Variants in TUSC3 observed in about 807,000 individuals in gnomAD.
The protein encoded by TUSC3 is dolichyl-diphosphooligosaccharide--protein glycosyltransferase subunit TUSC3.
TUSC3 carries 45 observed loss-of-function variants against 44.8 expected under a neutral mutation model. The ratio of observed to expected loss-of-function variants is 1.00; its 90% CI spans 0.79 to 1.29. The LOEUF (loss-of-function observed/expected upper bound fraction) is 1.29, where lower values mean the gene tolerates loss of function less well. Ranked by LOEUF, TUSC3 falls within the 50% of genes most tolerant of loss-of-function variation. TUSC3 has a pLI of 0.00. For synonymous variants in TUSC3, 212 were observed against 152.9 expected, an observed-to-expected ratio of 1.39 and a Z score of -2.85; for missense variants, 519 against 437.9, an observed-to-expected ratio of 1.19 and a Z score of -1.65.
downstream of TUSC3, among the ~76,000 whole-genome samples, chr8:15,768,201 C>G (rs935393255): frequency 2.0e-5 from 3 of 151,638 alleles, no homozygotes; most frequent in Admixed American, 1.3e-4. Context: ...AAAGTTCTGT[C>G]AAACTACTGA....
chr8:15,848,883 C>G, the TUSC3 span, among the ~76,000 whole-genome samples: 1 of 152,164 alleles, frequency 6.6e-6, no homozygotes, highest in African/African-American at 2.4e-5. Flanking sequence ...AATTGTAGAA[C>G]TAATCTAGTG....
At chr8:15,470,841 G>C (rs892784091) in intron 1 of TUSC3, among the ~76,000 whole-genome samples, 8 of 152,130 alleles carry the variant, frequency 5.3e-5, no homozygotes, top group African/African-American at 1.9e-4. Flanking sequence ...GTGAGTGTGG[G>C]TGTGAGTGGC....
the TUSC3 span, among the ~76,000 whole-genome samples, chr8:15,825,080 A>G: frequency 6.6e-6 from 1 of 152,190 alleles, no homozygotes; most frequent in Non-Finnish European, 1.5e-5. Context: ...TGACCATGCT[A>G]TTATGTCCTT....
rs139800606 is a variant in TUSC3 at position 15,650,840 on chromosome 8, A to G, written c.426+26A>G. On this transcript the variant is annotated intron_variant, in intron 3 of 10. Coordinates refer to ENST00000503731, the MANE Select transcript of TUSC3 (RefSeq NM_006765.4). ...GTAAAGAGTTATATCGTATTCATATATTTAACATAGTTGTTTGTGGTCGAT... is the reference window on the plus strand; with the variant it reads ...GTAAAGAGTTATATCGTATTCATATGTTTAACATAGTTGTTTGTGGTCGAT... The G allele has an allele frequency of 7.0e-5, 112 of 1,591,680 alleles. No homozygotes were observed. In the African/African-American group the frequency reaches 8.2e-4, roughly 12 times the overall value.
the TUSC3 span, among the ~76,000 whole-genome samples, chr8:15,794,576 T>C: frequency 6.6e-6 from 1 of 152,190 alleles, no homozygotes; most frequent in Non-Finnish European, 1.5e-5. Flanking sequence ...AAAGGATGGT[T>C]TATTACTTAA....
intron 2 of TUSC3, among the ~76,000 whole-genome samples, chr8:15,628,008 C>G (rs1337541149): frequency 6.6e-6 from 1 of 152,180 alleles, no homozygotes; most frequent in Non-Finnish European, 1.5e-5. Context: ...GATCCCGTAA[C>G]ATTAAGGGAT....
At chr8:15,477,664 G>A (rs976797689) in intron 1 of TUSC3, among the ~76,000 whole-genome samples, 1 of 152,098 alleles carries the variant, frequency 6.6e-6, no homozygotes, top group Admixed American at 6.6e-5. Context: ...AGAGCTTTCA[G>A]TGAGCCAAGA....
At chr8:15,578,848 A>AT (rs1369757104) in intron 1 of TUSC3, among the ~76,000 whole-genome samples, 1 of 151,868 alleles carries the variant, frequency 6.6e-6, no homozygotes, top group Non-Finnish European at 1.5e-5. Flanking sequence ...GTTAGGGAGG[A>AT]TTCCCTCTTT....
At chr8:15,648,749 A>AAAAAAAAAAAC (rs1806748090) in intron 2 of TUSC3, among the ~76,000 whole-genome samples, 1 of 147,264 alleles carries the variant, frequency 6.8e-6, no homozygotes, top group Non-Finnish European at 1.5e-5. Context: ...AAAAAAAAAA[A>AAAAAAAAAAAC]AAAAAAAGAC....
chr8:15,531,011 G>C (rs1270055266), intron 2 of TUSC3, among the ~76,000 whole-genome samples: 2 of 152,118 alleles, frequency 1.3e-5, no homozygotes, highest in Non-Finnish European at 2.9e-5. Context: ...AGGGAAGAAA[G>C]CCTCAGGTCC....
At chr8:15,432,913 C>A (rs1480673217) in intron 1 of TUSC3, among the ~76,000 whole-genome samples, 3 of 152,092 alleles carry the variant, frequency 2.0e-5, no homozygotes, top group Non-Finnish European at 2.9e-5. Flanking sequence ...CTGGCTAAAT[C>A]GTTCTCCTAA....
chr8:15,771,859 C>T, the TUSC3 span, among the ~76,000 whole-genome samples: 6 of 152,068 alleles, frequency 3.9e-5, no homozygotes, highest in Admixed American at 3.9e-4. Flanking sequence ...GAGGCCGAGA[C>T]AGGCGGATCA....
At position 15,682,258 on chromosome 8, in the gene TUSC3, C is replaced by T. The variant is rs1026134741; in HGVS notation, c.798+8422C>T. On this transcript the variant is annotated intron_variant, in intron 6 of 10. Coordinates refer to ENST00000503731, the MANE Select transcript of TUSC3 (RefSeq NM_006765.4). The stretch of plus-strand genomic sequence containing the variant: ...CTGTCTAATGCTGTGAGTGGGGTCT[C>T]GACATTCCCCACTATTATTGTGTGC... Among the ~76,000 whole-genome samples the T allele has an allele frequency of 6.6e-5, 10 of 152,140 alleles. No individual in the cohort carries two copies. The East Asian group carries it at 1.9e-3, about 29-fold the overall frequency.
chr8:15,749,558 C>A (rs904743058), intron 9 of TUSC3, among the ~76,000 whole-genome samples: 1 of 151,884 alleles, frequency 6.6e-6, no homozygotes, highest in African/African-American at 2.4e-5. Flanking sequence ...GACACCCTGC[C>A]TGCAGTGTAA....
intron 2 of TUSC3, among the ~76,000 whole-genome samples, chr8:15,642,211 T>A (rs1806403108): frequency 6.6e-6 from 1 of 152,168 alleles, no homozygotes. Flanking sequence ...ACAAGATAGA[T>A]CTCTCTCTAT....
At chr8:15,817,180 T>C in the TUSC3 span, among the ~76,000 whole-genome samples, 1 of 152,222 alleles carries the variant, frequency 6.6e-6, no homozygotes, top group African/African-American at 2.4e-5. Context: ...CAGGTAGGTT[T>C]TTCTCTGTTA....
chr8:15,806,203 G>A, the TUSC3 span: 14 of 500,340 alleles, frequency 2.8e-5, no homozygotes, highest in East Asian at 4.4e-5. Context: ...TAAAGATTCC[G>A]TCTTTTATAA....
At chr8:15,528,359 A>G (rs1801404315) in intron 2 of TUSC3, among the ~76,000 whole-genome samples, 2 of 152,250 alleles carry the variant, frequency 1.3e-5, no homozygotes, top group South Asian at 4.1e-4. Context: ...GATTCAGTAT[A>G]TAGTTTACTC....
chr8:15,481,465 C>G (rs150558027), intron 1 of TUSC3, among the ~76,000 whole-genome samples: 5 of 152,134 alleles, frequency 3.3e-5, no homozygotes, highest in Admixed American at 6.5e-5. Context: ...AGGCCCTCAC[C>G]AAATGCCAGT....
Sources: gnomAD v4.1 joint callset for allele counts (sites outside exome capture counted in the v4.1 genomes callset) on GRCh38, gnomAD v4.1.1 for gene constraint, MANE v1.5 for transcripts, NCBI Gene and HGNC (gene_info 2026-07-23, HGNC 2026-07-21) for gene names.